LGR4: variants seen among roughly 807,000 people sequenced by gnomAD.
LGR4 encodes leucine rich repeat containing G protein-coupled receptor 4.
In LGR4, 44 loss-of-function variants were observed where a neutral mutation model predicts 84.8. The ratio of observed to expected loss-of-function variants is 0.52; its 90% CI spans 0.41 to 0.67. The LOEUF (loss-of-function observed/expected upper bound fraction) is 0.67. LGR4 is among the 30% of genes least tolerant of loss of function. LGR4 has a pLI of 0.00. For synonymous variants in LGR4, 429 were observed against 434.3 expected (o/e 0.99, Z 0.15); for missense variants, 1,032 against 1,131.4 (o/e 0.91, Z 1.26).
chr11:27,369,052 C>A lies in LGR4; in HGVS notation c.1671G>T (p.Leu557=). The A allele has an allele frequency of 6.2e-7, 1 of 1,613,748 alleles. No individual in the cohort carries two copies. Among genetic ancestry groups the A allele is most frequent in the Non-Finnish European group, 8.5e-7 (1 of 1,179,820 alleles). ...FIFLVALFFN[L]LVILTTFASC... ...ATGCAAATGTTGTTAAAATAACAAG[C>A]AGGTTGAAAAATAATGCAACCAAGA... is the stretch of plus-strand genomic sequence containing the variant. The change falls in exon 18 of 18, where the codon CTG becomes CTT. Residue 557 remains leucine, a synonymous_variant. Coordinates refer to ENST00000379214, the MANE Select transcript of LGR4 (RefSeq NM_018490.5).
intron 1 of LGR4, among the ~76,000 whole-genome samples, chr11:27,460,806 G>A (rs568216681): frequency 9.6e-4 from 146 of 152,260 alleles, no homozygotes; most frequent in South Asian, 2.1e-3. Context: ...GCAAGGCCAT[G>A]GTAGTCTCCC....
chr11:27,444,681 T>A (rs965633095), intron 1 of LGR4, among the ~76,000 whole-genome samples: 5 of 152,238 alleles, frequency 3.3e-5, no homozygotes, highest in African/African-American at 1.2e-4. Flanking sequence ...TTTAAAAATA[T>A]CCATAGCCTA....
chr11:27,388,517 G>A (rs1046957124), intron 4 of LGR4, among the ~76,000 whole-genome samples: 4 of 152,022 alleles, frequency 2.6e-5, no homozygotes, highest in Admixed American at 6.6e-5. Flanking sequence ...CTTGTTAAAC[G>A]GTGAATAACA....
chr11:27,472,078 T>C, intron 1 of LGR4, 40 bp downstream of exon 1: 2 of 718,108 alleles, frequency 2.8e-6, no homozygotes, highest in Non-Finnish European at 3.6e-6. Flanking sequence ...CTGGGCCCCG[T>C]TTCCTCCCCC....
At chr11:27,408,824 G>C (rs189675942) in intron 2 of LGR4, among the ~76,000 whole-genome samples, 1 of 152,184 alleles carries the variant, frequency 6.6e-6, no homozygotes, top group East Asian at 1.9e-4. Context: ...AGCATTTTAT[G>C]GTTACAAATC....
intron 1 of LGR4, among the ~76,000 whole-genome samples, chr11:27,450,313 G>A (rs1247396249): frequency 6.6e-6 from 1 of 152,180 alleles, no homozygotes; most frequent in Non-Finnish European, 1.5e-5. Flanking sequence ...TCCTCTACTT[G>A]AAACATGGTA....
At chr11:27,465,313 C>T (rs1864757779) in intron 1 of LGR4, among the ~76,000 whole-genome samples, 3 of 152,182 alleles carry the variant, frequency 2.0e-5, no homozygotes. Flanking sequence ...ATTAGAAAGG[C>T]ATTGCTGAAC....
intron 1 of LGR4, among the ~76,000 whole-genome samples, chr11:27,449,645 A>C (rs1051303871): frequency 4.6e-5 from 7 of 152,058 alleles, no homozygotes; most frequent in Non-Finnish European, 5.9e-5. Flanking sequence ...AAAAAGAAGA[A>C]GACCAATAAA....
At chr11:27,380,041 C>T (rs548430665) in intron 10 of LGR4, among the ~76,000 whole-genome samples, 1 of 152,308 alleles carries the variant, frequency 6.6e-6, no homozygotes, top group African/African-American at 2.4e-5. Context: ...CACTTTGTTA[C>T]TGCCTTGTAT....
intron 1 of LGR4, among the ~76,000 whole-genome samples, chr11:27,446,443 A>C (rs1266159777): frequency 1.3e-5 from 2 of 152,212 alleles, no homozygotes; most frequent in Non-Finnish European, 2.9e-5. Flanking sequence ...AATTCTCATC[A>C]TCACTGGCCA....
intron 12 of LGR4, among the ~76,000 whole-genome samples, chr11:27,376,680 A>G (rs935222266): frequency 6.6e-6 from 1 of 152,214 alleles, no homozygotes; most frequent in Non-Finnish European, 1.5e-5. Flanking sequence ...CCACTCAGGC[A>G]TAAGAGAAGG....
intron 1 of LGR4, among the ~76,000 whole-genome samples, chr11:27,461,980 C>T (rs1457378071): frequency 6.6e-6 from 1 of 151,442 alleles, no homozygotes; most frequent in Non-Finnish European, 1.5e-5. Context: ...AGGTGCCCGT[C>T]GCCATGCCAG....
Position 27,368,475 on chromosome 11 carries a change from C to T in LGR4, c.2248G>A (p.Ala750Thr), listed in dbSNP as rs149204548. 562 of 1,614,174 alleles carry T rather than the reference C, an allele frequency of 3.5e-4. 2 individuals are homozygous for T. In the East Asian group the frequency reaches 9.9e-3, roughly 29 times the overall value. Reference sequence around the variant, plus strand: ...ATGCAATTGGTGAAGATTAGCCAAGCGACATGCTTAATCATGCTAGATTGT... The same window carrying T: ...ATGCAATTGGTGAAGATTAGCCAAGTGACATGCTTAATCATGCTAGATTGT... ...NSQSSMIKHV[A>T]WLIFTNCIFF... Residue 750 changes from alanine to threonine, a missense_variant, in exon 18 of 18, where the codon GCT (alanine) becomes ACT (threonine). Ala to Thr is a moderately conservative substitution (Grantham distance 58). Transcript: ENST00000379214.
chr11:27,472,775 T>G lies in LGR4; in HGVS notation c.-473A>C. On this transcript the variant is annotated 5_prime_UTR_variant, in exon 1 of 18. Transcript: ENST00000379214. ...AATCTCTTCCCGTCCTTTTCCCTTC[T>G]AGGGTTGCACGCTCTGGTTCCCAAA... The G allele has an allele frequency of 2.8e-5, 9 of 319,086 alleles. No homozygotes were observed. The highest frequency in any genetic ancestry group is 3.4e-5 in the Non-Finnish European group (6 of 175,814). 19.8% of individuals were successfully genotyped at this position (319,086 alleles called of 1,614,324 possible).
chr11:27,452,666 C>T (rs1864503359), intron 1 of LGR4, among the ~76,000 whole-genome samples: 1 of 148,970 alleles, frequency 6.7e-6, no homozygotes, highest in Middle Eastern at 3.2e-3. Flanking sequence ...CTCTGTCGCC[C>T]CGGCTGGAGT....
chr11:27,378,643 G>C, intron 11 of LGR4, 54 bp downstream of exon 11: 1 of 1,187,292 alleles, frequency 8.4e-7, no homozygotes, highest in Non-Finnish European at 1.3e-6. Flanking sequence ...AATTGAACAT[G>C]TGTGAATATA....
In LGR4 at chr11:27,376,310, A is replaced by C. The variant is rs775339853; in HGVS notation, c.1170T>G (p.Ser390=). The change falls in exon 13 of 18, where the codon TCT becomes TCG. Residue 390 remains serine (S), a synonymous_variant. Coordinates refer to ENST00000379214, the MANE Select transcript of LGR4 (RefSeq NM_018490.5). ...ATAGACAAACTTACAGAATCCTTAG[A>C]GATATCAGGCCTTGAAAGGTGCCTT... The part of the protein sequence containing the change: ...IKEGTFQGLI[S]LRILDLSRNL... The C allele has an allele frequency of 6.4e-7, 1 of 1,574,308 alleles. No homozygotes were observed. Among genetic ancestry groups the C allele is most frequent in the Middle Eastern group, 1.7e-4 (1 of 5,942 alleles).
chr11:27,371,620 G>A lies in LGR4; in HGVS notation c.1574C>T (p.Ser525Leu). Residue 525 changes from serine (S) to leucine (L), a missense_variant, in exon 17 of 18, where the codon TCA becomes TTA. Physicochemically the swap from Ser to Leu is moderately radical, Grantham distance 145. Transcript: ENST00000379214. The part of the protein sequence containing the change: ...HSQIIIHCTP[S>L]TGAFKPCEYL... ...AAAAAATAGGCCAGGCATACCTGTTGAAGGTGTACAATGGATAATTATTTG... is the reference window on the plus strand; with the variant it reads ...AAAAAATAGGCCAGGCATACCTGTTAAAGGTGTACAATGGATAATTATTTG... The A allele has an allele frequency of 6.2e-7, 1 of 1,609,262 alleles. No individual in the cohort carries two copies. The highest frequency in any genetic ancestry group is 8.5e-7 in the Non-Finnish European group (1 of 1,176,612).
intron 2 of LGR4, among the ~76,000 whole-genome samples, chr11:27,396,099 A>G (rs1863386750): frequency 6.6e-6 from 1 of 152,196 alleles, no homozygotes; most frequent in Admixed American, 6.5e-5. Context: ...CTGAGTGGTT[A>G]GGTGACTTGG....
Sources: gnomAD v4.1 joint callset for allele counts (sites outside exome capture counted in the v4.1 genomes callset) on GRCh38, gnomAD v4.1.1 for gene constraint, MANE v1.5 for transcripts, NCBI Gene and HGNC (gene_info 2026-07-23, HGNC 2026-07-21) for gene names.